Variants in RBFOX1 observed in about 807,000 individuals in gnomAD.
RBFOX1 encodes RNA binding protein fox-1 homolog 1.
In RBFOX1, 8 loss-of-function variants were observed where a neutral mutation model predicts 57.7. The ratio of observed to expected loss-of-function variants is 0.14; its 90% confidence interval spans 0.08 to 0.25. The LOEUF (loss-of-function observed/expected upper bound fraction) is 0.25. Among genes scored for constraint, RBFOX1 ranks in the 10% least tolerant of loss-of-function variants. The probability of loss-of-function intolerance (pLI) is 1.00; values close to 1 mark genes in which losing one functional copy is unlikely to be tolerated. For synonymous variants in RBFOX1, 326 were observed against 222.4 expected (o/e 1.47, Z -4.15); for missense variants, 611 against 548.5 (o/e 1.11, Z -1.14).
intron 14 of RBFOX1, among the ~76,000 whole-genome samples, chr16:7,706,085 A>C (rs10852690): frequency 6.6e-6 from 1 of 151,976 alleles, no homozygotes; most frequent in Non-Finnish European, 1.5e-5. Context: ...AGGACATCAG[A>C]TTGCTGACGT....
chr16:7,050,914 G>T (rs1419937220), intron 3 of RBFOX1, among the ~76,000 whole-genome samples: 1 of 152,008 alleles, frequency 6.6e-6, no homozygotes, highest in African/African-American at 2.4e-5. Context: ...GCATAGAAAA[G>T]CACTGATTTA....
At chr16:5,732,134 C>T (rs550615613) in intron 3 of RBFOX1, among the ~76,000 whole-genome samples, 32 of 152,312 alleles carry the variant, frequency 2.1e-4, no homozygotes, top group African/African-American at 7.5e-4. Context: ...TGGAATTCTA[C>T]AGATAATTGC....
chr16:6,430,826 G>A (rs2094058599), intron 2 of RBFOX1, among the ~76,000 whole-genome samples: 1 of 152,012 alleles, frequency 6.6e-6, no homozygotes, highest in African/African-American at 2.4e-5. Flanking sequence ...TAAAGGCAGG[G>A]AGACTAGTCA....
At chr16:6,535,276 C>T (rs113726257) in intron 2 of RBFOX1, among the ~76,000 whole-genome samples, 1 of 152,156 alleles carries the variant, frequency 6.6e-6, no homozygotes, top group African/African-American at 2.4e-5. Flanking sequence ...AAAGTTACAT[C>T]TGATGGAGAA....
intron 4 of RBFOX1, among the ~76,000 whole-genome samples, chr16:7,136,386 C>T (rs2071970799): frequency 6.7e-6 from 1 of 149,590 alleles, no homozygotes; most frequent in African/African-American, 2.5e-5. Flanking sequence ...AGATACAGAA[C>T]ATCTCTATCA....
At chr16:5,974,882 C>G (rs563313369) in intron 4 of RBFOX1, among the ~76,000 whole-genome samples, 1 of 151,938 alleles carries the variant, frequency 6.6e-6, no homozygotes, top group Non-Finnish European at 1.5e-5. Context: ...GTGGCACATG[C>G]CTATTACCCT....
intron 4 of RBFOX1, among the ~76,000 whole-genome samples, chr16:5,879,121 G>A (rs1382652878): frequency 6.6e-6 from 1 of 152,188 alleles, no homozygotes; most frequent in African/African-American, 2.4e-5. Flanking sequence ...AAAGCTCAGA[G>A]CTGCTTGCAC....
intron 1 of RBFOX1, among the ~76,000 whole-genome samples, chr16:5,398,568 G>C (rs1009241139): frequency 7.9e-6 from 1 of 126,644 alleles, no homozygotes; most frequent in Non-Finnish European, 1.6e-5. Flanking sequence ...GCATCTGTAC[G>C]TGTGTGTGTG....
intron 3 of RBFOX1, among the ~76,000 whole-genome samples, chr16:6,899,596 C>G (rs1006791926): frequency 5.9e-5 from 9 of 152,258 alleles, no homozygotes; most frequent in Admixed American, 2.0e-4. Context: ...GAGCACAGCT[C>G]CAGAATGCTG....
chr16:6,635,387 C>G (rs1203769106), intron 2 of RBFOX1, among the ~76,000 whole-genome samples: 1 of 152,004 alleles, frequency 6.6e-6, no homozygotes, highest in East Asian at 1.9e-4. Flanking sequence ...CCACCATAGC[C>G]CATGATCCTT....
At chr16:6,149,641 C>T (rs7195498) in intron 1 of RBFOX1, among the ~76,000 whole-genome samples, 2,782 of 152,244 alleles carry the variant, frequency 0.018, 89 homozygotes, top group African/African-American at 0.063. Flanking sequence ...GTTTGAATAG[C>T]TGTGTCTTGC....
Position 5,839,089 on chromosome 16 carries a change from A to G in RBFOX1, c.319-28214A>G, listed in dbSNP as rs547654563. The stretch of plus-strand genomic sequence containing the variant: ...AAAGCACAGGAGAACACCTACAGCA[A>G]AGAATTATCTGGTCCCAAATTTCAA... On this transcript the variant is annotated intron_variant, in intron 3 of 19. Coordinates refer to the RBFOX1 transcript ENST00000641259. Among the ~76,000 whole-genome samples, 4 of 152,326 alleles carry G rather than the reference A, an allele frequency of 2.6e-5. No individual in the cohort carries two copies. In the East Asian group the frequency reaches 7.7e-4, roughly 29 times the overall value.
intron 2 of RBFOX1, among the ~76,000 whole-genome samples, chr16:6,522,838 C>T (rs1465199555): frequency 1.3e-5 from 2 of 151,904 alleles, no homozygotes; most frequent in African/African-American, 2.4e-5. Flanking sequence ...GGGTATAGCC[C>T]CTTCCTGCTC....
chr16:6,271,401 C>A (rs10468316), intron 1 of RBFOX1, among the ~76,000 whole-genome samples: 2 of 151,712 alleles, frequency 1.3e-5, no homozygotes, highest in African/African-American at 4.8e-5. Flanking sequence ...TCAGCTGGAG[C>A]GACAGAGCAA....
At chr16:6,865,203 A>T (rs900505573) in intron 3 of RBFOX1, among the ~76,000 whole-genome samples, 1 of 151,682 alleles carries the variant, frequency 6.6e-6, no homozygotes, top group Non-Finnish European at 1.5e-5. Context: ...GGGTTTTGCC[A>T]TGTTGGCCAG....
chr16:6,731,348 G>A (rs973825892), intron 3 of RBFOX1, among the ~76,000 whole-genome samples: 7 of 152,110 alleles, frequency 4.6e-5, no homozygotes, highest in Admixed American at 6.5e-5. Context: ...ATTGTGGATC[G>A]TTGATGTCTA....
intron 3 of RBFOX1, among the ~76,000 whole-genome samples, chr16:6,708,313 C>T (rs1603449172): frequency 1.3e-5 from 2 of 152,128 alleles, no homozygotes; most frequent in Admixed American, 1.3e-4. Flanking sequence ...CACTCACACT[C>T]ATTCACAAAA....
chr16:5,368,957 C>A (rs1380284679), intron 1 of RBFOX1, among the ~76,000 whole-genome samples: 1 of 152,170 alleles, frequency 6.6e-6, no homozygotes, highest in African/African-American at 2.4e-5. Flanking sequence ...AGCTCACGTT[C>A]TTGGTATTAT....
At chr16:6,885,323 G>A (rs904296585) in intron 3 of RBFOX1, among the ~76,000 whole-genome samples, 1 of 152,188 alleles carries the variant, frequency 6.6e-6, no homozygotes, top group Admixed American at 6.5e-5. Context: ...TGAGTCAGAA[G>A]CTCTAGGGTT....
Sources: gnomAD v4.1 joint callset for allele counts (sites outside exome capture counted in the v4.1 genomes callset) on GRCh38, gnomAD v4.1.1 for gene constraint, MANE v1.5 for transcripts, NCBI Gene and HGNC (gene_info 2026-07-23, HGNC 2026-07-21) for gene names.